Variants in IFNAR2 observed in about 807,000 individuals in gnomAD.
IFNAR2 encodes the protein interferon alpha and beta receptor subunit 2, also known as interferon alpha/beta receptor 2.
Under a neutral mutation model 49.4 loss-of-function variants are expected in IFNAR2, and 30 were observed. The ratio of observed to expected loss-of-function variants is 0.61; its 90% CI spans 0.45 to 0.82. The LOEUF (loss-of-function observed/expected upper bound fraction) is 0.82. Among genes scored for constraint, IFNAR2 ranks in the 40% least tolerant of loss-of-function variants. The probability of loss-of-function intolerance (pLI) is 0.00; values close to 1 mark genes in which losing one functional copy is unlikely to be tolerated. For missense variants in IFNAR2, 600 were observed against 622.7 expected (o/e 0.96, Z 0.39); for synonymous variants, 224 against 234.5 (o/e 0.96, Z 0.41).
chr21:33,233,808 GGTGA>G (rs1445628296), intron 1 of IFNAR2, among the ~76,000 whole-genome samples: 2 of 151,940 alleles, frequency 1.3e-5, no homozygotes, highest in Non-Finnish European at 2.9e-5. Context: ...AAAAAGACTT[GGTGA>G]GTATTTATTC....
intron 8 of IFNAR2, among the ~76,000 whole-genome samples, chr21:33,262,386 T>C (rs562225260): frequency 1.1e-4 from 12 of 111,116 alleles, no homozygotes; most frequent in African/African-American, 4.1e-4. Flanking sequence ...AAAAAAAAAA[T>C]AGTAAGCATA....
In IFNAR2 at chr21:33,241,870, C is replaced by G. The variant is rs1163082002; in HGVS notation, c.-53C>G. On this transcript the variant is annotated 5_prime_UTR_variant, in exon 2 of 9. Coordinates refer to ENST00000342136, the MANE Select transcript of IFNAR2 (RefSeq NM_001289125.3). ...TTAGACACTTCAGAATTTTGATCAC[C>G]TAATGTTGATTTCAGATGTAAAAGT... is the stretch of plus-strand genomic sequence containing the variant. 1 of 1,606,608 alleles carries G rather than the reference C, an allele frequency of 6.2e-7. No individual in the cohort carries two copies. The highest frequency in any genetic ancestry group is 8.5e-7 in the Non-Finnish European group (1 of 1,175,442).
intron 2 of IFNAR2, 118 bp downstream of exon 2, chr21:33,242,095 T>C: frequency 1.2e-6 from 1 of 842,198 alleles, no homozygotes; most frequent in Non-Finnish European, 1.8e-6. Context: ...AGTACCACCC[T>C]GCCTAGTGTC....
chr21:33,248,778 C>T lies in IFNAR2; in HGVS notation c.464C>T (p.Pro155Leu), dbSNP rs1987632974. 3.7e-6 allele frequency: 6 copies of T among 1,610,608 alleles called. No individual in the cohort carries two copies. In the East Asian group the frequency reaches 9.0e-5, roughly 24 times the overall value. Residue 155 changes from proline to leucine, a missense_variant, in exon 6 of 9, where the codon CCA becomes CTA. Coordinates refer to ENST00000342136, the MANE Select transcript of IFNAR2 (RefSeq NM_001289125.3). ...TNHINVMVKF[P>L]SIVEEELQFD... ...CACATTAATGTGATGGTGAAATTTC[C>T]ATCTATTGTTGAGGAAGAATTACAG...
chr21:33,237,205 A>G (rs186039072), intron 1 of IFNAR2, among the ~76,000 whole-genome samples: 191 of 152,120 alleles, frequency 1.3e-3, no homozygotes, highest in African/African-American at 4.3e-3. Flanking sequence ...CAGAGGCCAC[A>G]TGTCAGAGGT....
At chr21:33,231,572 AG>A (rs1366446626) in intron 1 of IFNAR2, 1 of 318,890 alleles carries the variant, frequency 3.1e-6, no homozygotes, top group Non-Finnish European at 4.5e-6. Context: ...GTACTGTCAT[AG>A]ACGTGAAACA....
At chr21:33,232,698 T>G (rs891771763) in intron 1 of IFNAR2, among the ~76,000 whole-genome samples, 1 of 151,926 alleles carries the variant, frequency 6.6e-6, no homozygotes, top group Admixed American at 6.6e-5. Flanking sequence ...ATACTTTGCT[T>G]TTTTCTTTTC....
intron 2 of IFNAR2, 99 bp from the exon 3 acceptor site, chr21:33,243,574 C>T (rs892965687): frequency 1.1e-5 from 12 of 1,083,572 alleles, no homozygotes; most frequent in Non-Finnish European, 1.7e-5. Context: ...CAATCTGATA[C>T]CAATAAATGT....
Position 33,255,520 on chromosome 21 carries a change from T to G in IFNAR2, c.709+2690T>G, listed in dbSNP as rs77529219. On this transcript the variant is annotated intron_variant, in intron 7 of 8. Coordinates refer to ENST00000342136, the MANE Select transcript of IFNAR2 (RefSeq NM_001289125.3). ...TACCATTTTATTATAAAGGAATTGA[T>G]GGACAGCCATTGAAGAGGTGCACAG... Among the ~76,000 whole-genome samples, 311 of 152,340 alleles carry G rather than the reference T, an allele frequency of 2.0e-3. 3 individuals are homozygous for G. The highest frequency in any genetic ancestry group is 7.4e-3 in the African/African-American group (306 of 41,576).
intron 4 of IFNAR2, among the ~76,000 whole-genome samples, chr21:33,246,292 A>T (rs372414048): frequency 2.0e-5 from 3 of 151,804 alleles, no homozygotes; most frequent in African/African-American, 7.3e-5. Flanking sequence ...GGATGGTCTC[A>T]ATCTCCTGAC....
intron 8 of IFNAR2, among the ~76,000 whole-genome samples, chr21:33,261,689 A>G (rs1988580290): frequency 6.6e-6 from 1 of 152,096 alleles, no homozygotes; most frequent in South Asian, 2.1e-4. Context: ...AGCCTGGGCA[A>G]TATAAGGAAA....
intron 1 of IFNAR2, among the ~76,000 whole-genome samples, chr21:33,239,170 C>T (rs1003674368): frequency 1.3e-5 from 2 of 152,166 alleles, no homozygotes; most frequent in Admixed American, 6.5e-5. Flanking sequence ...CTCCCCTCTC[C>T]CCACTGTTTA....
At chr21:33,257,826 G>A (rs936240016) in intron 7 of IFNAR2, among the ~76,000 whole-genome samples, 3 of 151,816 alleles carry the variant, frequency 2.0e-5, no homozygotes, top group African/African-American at 7.3e-5. Flanking sequence ...AGGGGACATG[G>A]GCAGGCCACC....
chr21:33,236,711 A>T (rs1986490504), intron 1 of IFNAR2: 5 of 985,366 alleles, frequency 5.1e-6, no homozygotes, highest in Non-Finnish European at 6.0e-6. Flanking sequence ...ACTGCAGGAG[A>T]TGGGGAAGGA....
Position 33,230,213 on chromosome 21 carries a change from A to C in IFNAR2, c.-87A>C. 2.8e-6 allele frequency: 3 copies of C among 1,065,462 alleles called. No homozygotes were observed. Among genetic ancestry groups the C allele is most frequent in the Non-Finnish European group, 3.4e-6 (3 of 875,092 alleles). 66.0% of individuals were successfully genotyped at this position (1,065,462 alleles called of 1,614,324 possible). A position where few individuals can be genotyped will look rare whatever the true frequency, so the allele number is the denominator to read the frequency against. On this transcript the variant is annotated 5_prime_UTR_variant, in exon 1 of 9. Transcript: ENST00000342136. The surrounding 1 kb of genome is among the most constrained non-coding windows in gnomAD (Gnocchi z 5.5). Reference sequence around the variant, plus strand: ...TCGGGAGCCGCAAGGCGAGAGCTGCAAAGGTAACGCAGCGTGGCGGGGTCG... The same window carrying C: ...TCGGGAGCCGCAAGGCGAGAGCTGCCAAGGTAACGCAGCGTGGCGGGGTCG...
chr21:33,241,119 C>T (rs985121809), intron 1 of IFNAR2, among the ~76,000 whole-genome samples: 2 of 152,120 alleles, frequency 1.3e-5, no homozygotes, highest in African/African-American at 4.8e-5. Context: ...GTGATGGATA[C>T]ACTAAAAGCC....
At chr21:33,252,379 CT>C (rs1455932992) in intron 6 of IFNAR2, 1 of 1,069,160 alleles carries the variant, frequency 9.4e-7, no homozygotes, top group African/African-American at 1.6e-5. Flanking sequence ...GTCACAGAGA[CT>C]TTTATTCCTC....
chr21:33,255,218 T>C (rs554185647), intron 7 of IFNAR2, among the ~76,000 whole-genome samples: 4 of 152,372 alleles, frequency 2.6e-5, no homozygotes, highest in South Asian at 2.1e-4. Flanking sequence ...TGCATGTCTT[T>C]GTTCTAACAC....
At chr21:33,231,973 C>T (rs1050013773) in intron 1 of IFNAR2, among the ~76,000 whole-genome samples, 4 of 152,202 alleles carry the variant, frequency 2.6e-5, no homozygotes, top group Non-Finnish European at 4.4e-5. Flanking sequence ...CTTCTGACCT[C>T]AAATGATCCA....
Sources: gnomAD v4.1 joint callset for allele counts (sites outside exome capture counted in the v4.1 genomes callset) on GRCh38, gnomAD v4.1.1 for gene constraint, Gnocchi (gnomAD v3.1) non-coding constraint, MANE v1.5 for transcripts, NCBI Gene and HGNC (gene_info 2026-07-23, HGNC 2026-07-21) for gene names.